The following AKAP13 variants were observed in gnomAD, a reference collection of about 807,000 sequenced individuals.
The protein encoded by AKAP13 is A-kinase anchor protein 13.
In AKAP13, 80 loss-of-function variants were observed where a neutral mutation model predicts 264.5. The observed-to-expected ratio is 0.30, with a 90% CI of 0.25 to 0.36. The LOEUF is 0.36. Among genes scored for constraint, AKAP13 ranks in the 10% least tolerant of loss-of-function variants. The pLI is 1.00. For missense variants in AKAP13, 3,712 were observed against 3,435.2 expected, an observed-to-expected ratio of 1.08 and a Z score of -2.01; for synonymous variants, 1,380 against 1,250.2, an observed-to-expected ratio of 1.10 and a Z score of -2.19.
At chr15:85,416,747 T>C (rs1221087566) in intron 1 of AKAP13, among the ~76,000 whole-genome samples, 1 of 152,194 alleles carries the variant, frequency 6.6e-6, no homozygotes, top group Non-Finnish European at 1.5e-5. Flanking sequence ...AACTGACCCA[T>C]CTGAAAACCA....
chr15:85,494,118 G>C (rs1007941513), intron 2 of AKAP13, among the ~76,000 whole-genome samples: 10 of 152,124 alleles, frequency 6.6e-5, no homozygotes, highest in African/African-American at 2.4e-4. Flanking sequence ...TCTCTTATAT[G>C]CCCAATTCCT....
intron 1 of AKAP13, among the ~76,000 whole-genome samples, chr15:85,408,639 T>C (rs753464643): frequency 1.3e-5 from 2 of 151,896 alleles, no homozygotes; most frequent in African/African-American, 2.4e-5. Context: ...ATCCATGTGG[T>C]AGCATGTGTC....
chr15:85,664,822 C>T, intron 13 of AKAP13, 67 bp downstream of exon 13: 1 of 1,457,570 alleles, frequency 6.9e-7, no homozygotes, highest in Non-Finnish European at 9.3e-7. Context: ...GAAGGCAAGG[C>T]TTCTGGTAGT....
At chr15:85,531,409 T>G (rs2077238345) in intron 3 of AKAP13, among the ~76,000 whole-genome samples, 1 of 152,252 alleles carries the variant, frequency 6.6e-6, no homozygotes, top group Admixed American at 6.5e-5. Context: ...CTGATCATAG[T>G]GCCTGGACTT....
At chr15:85,632,422 C>G (rs1333005288) in intron 8 of AKAP13, among the ~76,000 whole-genome samples, 1 of 152,128 alleles carries the variant, frequency 6.6e-6, no homozygotes, top group Non-Finnish European at 1.5e-5. Context: ...AGAAACAAAC[C>G]TGCCCTTTGC....
At position 85,741,217 on chromosome 15, in the gene AKAP13, T is replaced by C; in HGVS notation, c.7780T>C (p.Tyr2594His). The C allele has an allele frequency of 6.2e-7, 1 of 1,609,810 alleles. No individual in the cohort carries two copies. Among genetic ancestry groups the C allele is most frequent in the Non-Finnish European group, 8.5e-7 (1 of 1,178,088 alleles). Residue 2594 changes from tyrosine to histidine, a missense_variant, in exon 35 of 37, where the codon TAC becomes CAC. Tyr to His is a moderately conservative substitution (Grantham distance 83). Coordinates refer to ENST00000394518, the MANE Select transcript of AKAP13 (RefSeq NM_007200.5). The part of the protein sequence containing the change: ...LANLQKQQAQ[Y>H]LEEKRRRERE... ...CAACCTGCAGAAGCAGCAGGCCCAGTACCTCGAGGAGAAGCGCAGGCGCGA... is the reference window on the plus strand; with the variant it reads ...CAACCTGCAGAAGCAGCAGGCCCAGCACCTCGAGGAGAAGCGCAGGCGCGA...
At chr15:85,445,404 A>G (rs1204547169) in intron 1 of AKAP13, among the ~76,000 whole-genome samples, 1 of 152,234 alleles carries the variant, frequency 6.6e-6, no homozygotes, top group African/African-American at 2.4e-5. Flanking sequence ...TTCTTGAGAC[A>G]GGAAAGAAAA....
At chr15:85,464,601 G>A (rs2074653686) in intron 1 of AKAP13, among the ~76,000 whole-genome samples, 1 of 152,298 alleles carries the variant, frequency 6.6e-6, no homozygotes. Flanking sequence ...AGGGAGGTTA[G>A]AACTGGTAGG....
At chr15:85,470,127 A>C (rs192261871) in intron 1 of AKAP13, among the ~76,000 whole-genome samples, 54 of 152,282 alleles carry the variant, frequency 3.5e-4, no homozygotes, top group Non-Finnish European at 6.0e-4. Flanking sequence ...GTCTCTACAA[A>C]AAATACAAAA....
At chr15:85,382,142 A>G (rs2070312210) in intron 1 of AKAP13, 1 of 152,242 alleles carries the variant, frequency 6.6e-6, no homozygotes, top group Non-Finnish European at 1.5e-5. Flanking sequence ...GAACTAGCTT[A>G]AATGTCTGTC....
intron 8 of AKAP13, among the ~76,000 whole-genome samples, chr15:85,607,023 C>T (rs2080381896): frequency 6.6e-6 from 1 of 151,414 alleles, no homozygotes; most frequent in Non-Finnish European, 1.5e-5. Context: ...TCTGTCGTTT[C>T]TTCTTTCCCT....
In AKAP13 at chr15:85,749,013, TGGGATGCGCAGGGGAGGCGTG is replaced by T. The variant is rs1187441546; in HGVS notation, c.*4342_*4362del. 2 of 152,302 alleles carry T rather than the reference TGGGATGCGCAGGGGAGGCGTG, an allele frequency of 1.3e-5. No individual in the cohort carries two copies. The highest frequency in any genetic ancestry group is 1.5e-5 in the Non-Finnish European group (1 of 68,144). 9.4% of individuals were successfully genotyped at this position (152,302 alleles called of 1,614,324 possible). ...GGTCTCCTGTGTGCTGCTGCCCGCA[TGGGATGCGCAGGGGAGGCGTG>T]GGGATCCGCAGGAGGGTGGTTGGGA... is the stretch of plus-strand genomic sequence containing the variant. On this transcript the variant is annotated 3_prime_UTR_variant, in exon 37 of 37. Transcript: ENST00000394518.
At chr15:85,740,129 A>C in intron 33 of AKAP13, 93 bp from the exon 34 acceptor site, 1 of 1,311,596 alleles carries the variant, frequency 7.6e-7, no homozygotes. Flanking sequence ...GTTGTATCTT[A>C]AAGGAGCCAT....
intron 1 of AKAP13, among the ~76,000 whole-genome samples, chr15:85,434,213 C>T (rs1445293705): frequency 1.6e-4 from 24 of 152,056 alleles, no homozygotes; most frequent in Non-Finnish European, 2.9e-4. Flanking sequence ...GGGTGACGGA[C>T]GCACCTGGAA....
At chr15:85,714,977 G>A (rs1305717709) in intron 19 of AKAP13, among the ~76,000 whole-genome samples, 3 of 151,266 alleles carry the variant, frequency 2.0e-5, no homozygotes, top group Non-Finnish European at 2.9e-5. Context: ...AAAAAAAAAA[G>A]AAATTCTTTC....
intron 1 of AKAP13, among the ~76,000 whole-genome samples, chr15:85,394,576 T>C (rs571814987): frequency 6.6e-6 from 1 of 152,348 alleles, no homozygotes; most frequent in East Asian, 1.9e-4. Context: ...TATAACTAGA[T>C]ACTTTGCTAG....
At chr15:85,577,624 CTG>C (rs1396451394) in intron 6 of AKAP13, 2 of 176,684 alleles carry the variant, frequency 1.1e-5, no homozygotes, top group African/African-American at 4.8e-5. Context: ...TTGGTTATAT[CTG>C]TTTATATTTT....
intron 29 of AKAP13, among the ~76,000 whole-genome samples, chr15:85,729,581 T>C (rs1242969560): frequency 6.6e-6 from 1 of 152,046 alleles, no homozygotes; most frequent in Non-Finnish European, 1.5e-5. Context: ...TATCAGCATA[T>C]AGAAGGTCAT....
chr15:85,681,207 A>G (rs1460694297), intron 14 of AKAP13, among the ~76,000 whole-genome samples: 2 of 152,194 alleles, frequency 1.3e-5, no homozygotes, highest in Non-Finnish European at 2.9e-5. Flanking sequence ...CTTGAAACCA[A>G]CCTCAAGGAA....
Sources: allele counts gnomAD v4.1 joint callset (sites outside exome capture counted in the v4.1 genomes callset), GRCh38; gene constraint gnomAD v4.1.1; transcripts MANE v1.5; gene names NCBI Gene and HGNC (gene_info 2026-07-23, HGNC 2026-07-21).